SRSF12: variants seen among roughly 807,000 people sequenced by gnomAD.
The protein encoded by SRSF12 is serine/arginine-rich splicing factor 12.
In SRSF12, 21 loss-of-function variants were observed where a neutral mutation model predicts 34.1. The observed-to-expected ratio is 0.62, with a 90% CI of 0.44 to 0.89. The LOEUF (loss-of-function observed/expected upper bound fraction) is 0.89, where lower values mean the gene tolerates loss of function less well. Ranked by LOEUF, SRSF12 falls within the 40% of genes least tolerant of loss-of-function variation. SRSF12 has a pLI of 0.00. For missense variants in SRSF12, 278 were observed against 327.8 expected (o/e 0.85, Z 1.17); for synonymous variants, 111 against 110.8 (o/e 1.00, Z -0.01).
chr6:89,114,865 C>T lies in SRSF12; in HGVS notation c.65+2958G>A, dbSNP rs186895636. On this transcript the variant is annotated intron_variant, in intron 1 of 4. Coordinates refer to ENST00000452027, the MANE Select transcript of SRSF12 (RefSeq NM_080743.5). ...AGGCTGGAGTGCAATGGTACTATCTCGGCTCACTGCAACCTCCACCTCCCG... is the reference window on the plus strand; with the variant it reads ...AGGCTGGAGTGCAATGGTACTATCTTGGCTCACTGCAACCTCCACCTCCCG... Among the ~76,000 whole-genome samples the T allele has an allele frequency of 2.8e-3, 429 of 151,660 alleles. 1 individual carries two copies. The highest frequency in any genetic ancestry group is 4.4e-3 in the Non-Finnish European group (300 of 67,864).
chr6:89,099,474 A>ATATATACACATATATGTGTG (rs1768429292), intron 4 of SRSF12, among the ~76,000 whole-genome samples: 1 of 145,996 alleles, frequency 6.8e-6, no homozygotes, highest in Non-Finnish European at 1.5e-5. Flanking sequence ...GTGTGTGTAT[A>ATATATACACATATATGTGTG]TATATATGTG....
intron 1 of SRSF12, among the ~76,000 whole-genome samples, chr6:89,108,901 T>A (rs1768915601): frequency 1.3e-5 from 2 of 152,236 alleles, no homozygotes; most frequent in Admixed American, 1.3e-4. Context: ...GCATCTACTT[T>A]TTGCCAGTAG....
chr6:89,117,642 G>A (rs547402561), intron 1 of SRSF12, among the ~76,000 whole-genome samples, 181 bp downstream of exon 1: 1 of 152,024 alleles, frequency 6.6e-6, no homozygotes, highest in South Asian at 2.1e-4. Context: ...GGAGGCGCGA[G>A]TTCCGCCCTG....
At chr6:89,116,570 T>C (rs553791839) in intron 1 of SRSF12, among the ~76,000 whole-genome samples, 1 of 151,716 alleles carries the variant, frequency 6.6e-6, no homozygotes, top group Non-Finnish European at 1.5e-5. Flanking sequence ...AGGTCAGGAG[T>C]TGGAGATCAG....
At chr6:89,109,892 C>T (rs781235391) in intron 1 of SRSF12, among the ~76,000 whole-genome samples, 2 of 152,124 alleles carry the variant, frequency 1.3e-5, no homozygotes, top group African/African-American at 2.4e-5. Context: ...GAGATCGAGA[C>T]CATCTTGGCT....
chr6:89,112,447 CTTT>C (rs760181452), intron 1 of SRSF12, among the ~76,000 whole-genome samples: 11 of 128,832 alleles, frequency 8.5e-5, no homozygotes, highest in Admixed American at 1.5e-4. Flanking sequence ...TCTTTTCTTT[CTTT>C]TTTTTTTTTT....
Position 89,098,268 on chromosome 6 carries a change from C to A in SRSF12, c.*310G>T. 1 of 239,530 alleles carries A rather than the reference C, an allele frequency of 4.2e-6. No individual in the cohort carries two copies. The highest frequency in any genetic ancestry group is 8.1e-6 in the Non-Finnish European group (1 of 122,786). 14.8% of individuals were successfully genotyped at this position (239,530 alleles called of 1,614,324 possible). On this transcript the variant is annotated 3_prime_UTR_variant, in exon 5 of 5. Transcript: ENST00000452027. ...AAAGGTATTATTAATAGTACTAATA[C>A]TATGCAAGTAGAATTTTAAAAATTA...
intron 4 of SRSF12, among the ~76,000 whole-genome samples, chr6:89,103,991 C>CTTTTTTTT (rs55760020): frequency 7.3e-5 from 6 of 81,966 alleles, no homozygotes; most frequent in African/African-American, 2.8e-4. Context: ...TATTATATTT[C>CTTTTTTTT]TTTTTTTTTT....
chr6:89,102,998 C>T (rs55636448), intron 4 of SRSF12, among the ~76,000 whole-genome samples: 1 of 152,110 alleles, frequency 6.6e-6, no homozygotes, highest in Non-Finnish European at 1.5e-5. Context: ...AATTCCTGGA[C>T]TCAAGTGATC....
intron 1 of SRSF12, among the ~76,000 whole-genome samples, chr6:89,108,954 T>C (rs956444287): frequency 1.3e-5 from 2 of 152,240 alleles, no homozygotes; most frequent in African/African-American, 2.4e-5. Flanking sequence ...TTAACACTCA[T>C]AGAACATGTT....
chr6:89,102,096 C>G (rs1582255346), intron 4 of SRSF12, among the ~76,000 whole-genome samples: 1 of 151,548 alleles, frequency 6.6e-6, no homozygotes, highest in African/African-American at 2.4e-5. Context: ...ATTTAAAAAG[C>G]TTTCTTTGGA....
intron 4 of SRSF12, among the ~76,000 whole-genome samples, chr6:89,103,065 T>C (rs1046927901): frequency 6.6e-5 from 10 of 151,910 alleles, no homozygotes; most frequent in Middle Eastern, 3.4e-3. Context: ...CACCTGGCCA[T>C]AAGACAGTTT....
At chr6:89,108,025 A>G (rs1210452744) in intron 1 of SRSF12, among the ~76,000 whole-genome samples, 1 of 152,220 alleles carries the variant, frequency 6.6e-6, no homozygotes, top group Non-Finnish European at 1.5e-5. Flanking sequence ...GATTCTAAAG[A>G]AGTCCTAAAA....
chr6:89,113,236 C>T (rs77932135), intron 1 of SRSF12, among the ~76,000 whole-genome samples: 9,569 of 151,986 alleles, frequency 0.063, 877 homozygotes, highest in African/African-American at 0.2. Flanking sequence ...GTGCAGTGGC[C>T]GGTATTGGCT....
intron 1 of SRSF12, among the ~76,000 whole-genome samples, chr6:89,111,171 C>T (rs186004223): frequency 2.6e-5 from 4 of 150,982 alleles, no homozygotes; most frequent in Admixed American, 1.3e-4. Flanking sequence ...TACTGTGGCA[C>T]AATCTCGGGT....
chr6:89,099,857 T>G (rs1181519627), intron 4 of SRSF12, among the ~76,000 whole-genome samples: 1 of 152,124 alleles, frequency 6.6e-6, no homozygotes, highest in Non-Finnish European at 1.5e-5. Flanking sequence ...ATTGAAAAGC[T>G]ACACAACATT....
intron 4 of SRSF12, among the ~76,000 whole-genome samples, chr6:89,104,771 G>C (rs1768708220): frequency 6.6e-6 from 1 of 152,046 alleles, no homozygotes; most frequent in Admixed American, 6.6e-5. Flanking sequence ...ATATTTTCCA[G>C]GCTGGGTGCA....
intron 1 of SRSF12, among the ~76,000 whole-genome samples, chr6:89,115,952 A>G (rs1483814129): frequency 6.6e-6 from 1 of 150,692 alleles, no homozygotes; most frequent in East Asian, 1.9e-4. Flanking sequence ...GGATTTTCAT[A>G]TGATTCAACT....
intron 4 of SRSF12, among the ~76,000 whole-genome samples, chr6:89,103,082 T>A (rs1768611697): frequency 6.6e-6 from 1 of 151,954 alleles, no homozygotes; most frequent in African/African-American, 2.4e-5. Context: ...GTTTTTAAAA[T>A]GAGAAAAACT....
Sources: allele counts gnomAD v4.1 joint callset (sites outside exome capture counted in the v4.1 genomes callset), GRCh38; gene constraint gnomAD v4.1.1; transcripts MANE v1.5; gene names NCBI Gene and HGNC (gene_info 2026-07-23, HGNC 2026-07-21).